The following PCSK6 variants were observed in gnomAD, a reference collection of about 807,000 sequenced individuals.
PCSK6 encodes the protein paired basic amino acid cleaving enzyme 4.
In PCSK6, 85 loss-of-function variants were observed where a neutral mutation model predicts 123.3. The observed-to-expected ratio is 0.69, with a 90% CI of 0.58 to 0.83. The LOEUF (loss-of-function observed/expected upper bound fraction) is 0.83, where lower values mean the gene tolerates loss of function less well. PCSK6 is among the 40% of genes least tolerant of loss of function. PCSK6 has a pLI of 0.00. For missense variants in PCSK6, 1,191 were observed against 1,282.3 expected, an observed-to-expected ratio of 0.93 and a Z score of 1.09; for synonymous variants, 508 against 516.0, an observed-to-expected ratio of 0.98 and a Z score of 0.21.
intron 6 of PCSK6, among the ~76,000 whole-genome samples, chr15:101,425,270 T>A (rs115179398): frequency 0.011 from 1,665 of 152,244 alleles, 22 homozygotes; most frequent in African/African-American, 0.037. Flanking sequence ...AAGGATCCAG[T>A]GATAGCCACT....
intron 1 of PCSK6, among the ~76,000 whole-genome samples, chr15:101,457,212 A>G (rs1211614418): frequency 1.3e-5 from 2 of 152,118 alleles, no homozygotes; most frequent in African/African-American, 4.8e-5. Context: ...ATAAATAAAA[A>G]TCTCAACTCA....
At chr15:101,347,790 G>T in intron 13 of PCSK6, 1 of 1,607,208 alleles carries the variant, frequency 6.2e-7, no homozygotes, top group Admixed American at 1.7e-5. Context: ...GGAAAACAAG[G>T]GACTGAAGTG....
chr15:101,353,383 A>C (rs2040951152), intron 13 of PCSK6, among the ~76,000 whole-genome samples: 1 of 152,188 alleles, frequency 6.6e-6, no homozygotes, highest in South Asian at 2.1e-4. Flanking sequence ...GTAAACACAC[A>C]TGAAGTGTTT....
chr15:101,390,152 T>G (rs2042182951), intron 8 of PCSK6, among the ~76,000 whole-genome samples: 1 of 36,948 alleles, frequency 2.7e-5, no homozygotes, highest in Non-Finnish European at 5.2e-5. Context: ...GCCCAAGGCC[T>G]ACTGCACAGG....
Position 101,398,124 on chromosome 15 carries a change from G to A in PCSK6, c.996+280C>T, listed in dbSNP as rs3784466. ...CTGTGTACCCCCTTCAGCCAGGGATGGGCAAACTCCAAGGCAGAGAGGGTC... is the reference window on the plus strand; with the variant it reads ...CTGTGTACCCCCTTCAGCCAGGGATAGGCAAACTCCAAGGCAGAGAGGGTC... On this transcript the variant is annotated intron_variant, in intron 7 of 21. Coordinates refer to ENST00000611716, the MANE Select transcript of PCSK6 (RefSeq NM_002570.5). This position sits in a 1 kb window ranked among gnomAD's most constrained non-coding sequence, Gnocchi z 4.6. Among the ~76,000 whole-genome samples the A allele has an allele frequency of 1.9e-4, 29 of 152,358 alleles. No individual in the cohort carries two copies. In the East Asian group the frequency reaches 5.6e-3, roughly 29 times the overall value.
chr15:101,488,434 C>A (rs919986286), intron 1 of PCSK6, among the ~76,000 whole-genome samples: 17 of 152,180 alleles, frequency 1.1e-4, no homozygotes, highest in African/African-American at 3.9e-4. Context: ...GGTAATGCCG[C>A]CTTTGTGCCC....
At chr15:101,412,577 G>A (rs1054116878) in intron 6 of PCSK6, among the ~76,000 whole-genome samples, 8 of 151,210 alleles carry the variant, frequency 5.3e-5, no homozygotes, top group East Asian at 1.9e-4. Context: ...AGAAATACAC[G>A]ATATAAAGAG....
chr15:101,414,099 G>A (rs900303270), intron 6 of PCSK6, among the ~76,000 whole-genome samples: 3 of 152,132 alleles, frequency 2.0e-5, no homozygotes, highest in Admixed American at 6.5e-5. Context: ...ACAAAGAGAC[G>A]CCCCTTGTCA....
chr15:101,454,976 G>GAATAAATAAATAAATA (rs1179710613), intron 1 of PCSK6, among the ~76,000 whole-genome samples: 2 of 132,608 alleles, frequency 1.5e-5, no homozygotes, highest in African/African-American at 7.5e-5. Flanking sequence ...ATGAATGAAT[G>GAATAAATAAATAAATA]AATGAATAAA....
In PCSK6 at chr15:101,489,481, G is replaced by T. The variant is rs1228449615; in HGVS notation, c.190C>A (p.Pro64Thr). The T allele has an allele frequency of 3.7e-6, 4 of 1,088,440 alleles. No homozygotes were observed. Among genetic ancestry groups the T allele is most frequent in the Non-Finnish European group, 4.5e-6 (4 of 897,018 alleles). The allele number at this position is 1,088,440 out of a possible 1,614,324, so 67.4% of individuals were successfully genotyped here. Residue 64 changes from proline (P) to threonine (T), a missense_variant, in exon 1 of 22, where the codon CCC (proline) becomes ACC (threonine). Transcript: ENST00000611716. The part of the protein sequence containing the change: ...LLALPAACSA[P>T]PPRPVYTNHW... ...TTGGTGTAGACGGGGCGCGGCGGGGGCGCGGAGCAGGCGGCAGGCAGCGCC... is the reference window on the plus strand; with the variant it reads ...TTGGTGTAGACGGGGCGCGGCGGGGTCGCGGAGCAGGCGGCAGGCAGCGCC...
chr15:101,432,059 C>T lies in PCSK6; in HGVS notation c.444G>A (p.Lys148=). 1 of 1,613,780 alleles carries T rather than the reference C, an allele frequency of 6.2e-7. No individual in the cohort carries two copies. The highest frequency in any genetic ancestry group is 8.5e-7 in the Non-Finnish European group (1 of 1,179,838). ...CCTGCGGGTCACTTCGCACCTGTCT[C>T]TTCACCCTTCGTTTCACTTCCTGTT... is the stretch of plus-strand genomic sequence containing the variant. ...LQQQEVKRRV[K]RQVRSDPQAL... Residue 148 remains lysine, a synonymous_variant, in exon 3 of 22, where the codon AAG becomes AAA. Transcript: ENST00000611716.
At chr15:101,454,622 G>A (rs928818221) in intron 1 of PCSK6, among the ~76,000 whole-genome samples, 2 of 152,138 alleles carry the variant, frequency 1.3e-5, no homozygotes, top group Admixed American at 1.3e-4. Context: ...GGGGAGGGAG[G>A]AGTGGGGAGT....
intron 20 of PCSK6, chr15:101,307,692 C>T (rs879891818): frequency 9.0e-6 from 2 of 223,240 alleles, no homozygotes; most frequent in African/African-American, 4.5e-5. Flanking sequence ...CTTCTCTCTC[C>T]AGCGGCTGCC....
In PCSK6 at chr15:101,384,392, C is replaced by T. The variant is rs755074127; in HGVS notation, c.1344G>A (p.Leu448=). The stretch of plus-strand genomic sequence containing the variant: ...GGGCCGGCCGGGATGTCTTCACTAG[C>T]AGGTGCTGGACGTCCCTCCAGGTTA... ...SQLTWRDVQH[L]LVKTSRPAHL... is the part of the protein sequence containing the mutation. The change falls in exon 10 of 22, where the codon CTG becomes CTA. Residue 448 remains leucine, a synonymous_variant. Coordinates refer to ENST00000611716, the MANE Select transcript of PCSK6 (RefSeq NM_002570.5). 1 of 1,613,830 alleles carries T rather than the reference C, an allele frequency of 6.2e-7. No homozygotes were observed. The highest frequency in any genetic ancestry group is 1.3e-5 in the African/African-American group (1 of 75,028).
At chr15:101,391,736 G>A (rs1043747051) in intron 8 of PCSK6, among the ~76,000 whole-genome samples, 5 of 152,106 alleles carry the variant, frequency 3.3e-5, no homozygotes, top group South Asian at 2.1e-4. Context: ...AGCAGCACTC[G>A]TCTCCCTGGA....
At chr15:101,363,786 T>C (rs987693081) in intron 13 of PCSK6, among the ~76,000 whole-genome samples, 1 of 149,044 alleles carries the variant, frequency 6.7e-6, no homozygotes, top group African/African-American at 2.5e-5. Context: ...CCTGCCACCT[T>C]GCCTGGCTAA....
At chr15:101,384,220 A>T in intron 10 of PCSK6, 102 bp downstream of exon 10, 1 of 1,521,076 alleles carries the variant, frequency 6.6e-7, no homozygotes, top group African/African-American at 1.4e-5. Context: ...AATTAATAAT[A>T]ACAACTAATG....
intron 13 of PCSK6, chr15:101,347,601 G>A: frequency 6.7e-7 from 1 of 1,499,656 alleles, no homozygotes; most frequent in Non-Finnish European, 9.0e-7. Flanking sequence ...TGTGAGCCAT[G>A]TCCAAAGTGC....
chr15:101,449,013 G>A (rs993248051), intron 1 of PCSK6, among the ~76,000 whole-genome samples: 3 of 152,154 alleles, frequency 2.0e-5, no homozygotes, highest in Non-Finnish European at 4.4e-5. Context: ...GCCGGTGTGT[G>A]TGTGTGCATA....
Sources: allele counts gnomAD v4.1 joint callset (sites outside exome capture counted in the v4.1 genomes callset), GRCh38; gene constraint gnomAD v4.1.1; non-coding constraint Gnocchi (gnomAD v3.1); transcripts MANE v1.5; gene names NCBI Gene and HGNC (gene_info 2026-07-23, HGNC 2026-07-21).